ARHGAP24: variants seen among roughly 807,000 people sequenced by gnomAD.
ARHGAP24 encodes rho GTPase-activating protein 24.
Under a neutral mutation model 76.4 loss-of-function variants are expected in ARHGAP24, and 50 were observed. The observed-to-expected ratio is 0.65, with a 90% confidence interval of 0.52 to 0.83. The LOEUF is 0.83. Ranked by LOEUF, ARHGAP24 falls within the 40% of genes least tolerant of loss-of-function variation. The pLI is 0.00. For synonymous variants in ARHGAP24, 345 were observed against 323.3 expected, an observed-to-expected ratio of 1.07 and a Z score of -0.72; for missense variants, 930 against 914.2, an observed-to-expected ratio of 1.02 and a Z score of -0.22.
intron 3 of ARHGAP24, among the ~76,000 whole-genome samples, chr4:85,822,502 A>T (rs570320576): frequency 6.6e-6 from 1 of 152,304 alleles, no homozygotes; most frequent in East Asian, 1.9e-4. Flanking sequence ...ACAAAAATAC[A>T]AAATAAGACA....
intron 3 of ARHGAP24, among the ~76,000 whole-genome samples, chr4:85,796,094 A>G (rs1226823712): frequency 6.6e-6 from 1 of 152,082 alleles, no homozygotes; most frequent in Non-Finnish European, 1.5e-5. Flanking sequence ...AAGTTATCAC[A>G]GTTTTTGCCA....
intron 1 of ARHGAP24, among the ~76,000 whole-genome samples, chr4:85,567,993 G>A (rs113439273): frequency 2.0e-5 from 3 of 152,066 alleles, no homozygotes; most frequent in Non-Finnish European, 4.4e-5. Context: ...TAAAAATATA[G>A]GCATTATAGT....
intron 2 of ARHGAP24, among the ~76,000 whole-genome samples, chr4:85,649,622 T>A (rs1721859697): frequency 6.6e-6 from 1 of 152,198 alleles, no homozygotes; most frequent in Admixed American, 6.6e-5. Flanking sequence ...GTATGCCCGA[T>A]CCATAGAGTT....
At chr4:85,924,684 G>A (rs1735919949) in intron 4 of ARHGAP24, 2 of 151,052 alleles carry the variant, frequency 1.3e-5, no homozygotes, top group Non-Finnish European at 2.9e-5. Flanking sequence ...ACACTTCTTA[G>A]GCTGACTGAC....
chr4:85,614,887 G>A (rs1368601254), intron 2 of ARHGAP24, among the ~76,000 whole-genome samples: 3 of 152,020 alleles, frequency 2.0e-5, no homozygotes, highest in African/African-American at 4.8e-5. Context: ...AGAGTCACAC[G>A]AATATTTATT....
chr4:85,830,159 T>C (rs1578270308), intron 3 of ARHGAP24, among the ~76,000 whole-genome samples: 1 of 152,270 alleles, frequency 6.6e-6, no homozygotes, highest in South Asian at 2.1e-4. Flanking sequence ...CTTTCAGCTT[T>C]ACACTTTTCT....
At chr4:85,665,415 C>T (rs1041864454) in intron 2 of ARHGAP24, among the ~76,000 whole-genome samples, 9 of 152,118 alleles carry the variant, frequency 5.9e-5, no homozygotes, top group Non-Finnish European at 1.2e-4. Flanking sequence ...TGTCTCTGCA[C>T]GTGAGATGGG....
intron 1 of ARHGAP24, among the ~76,000 whole-genome samples, chr4:85,492,527 C>T (rs1209924720): frequency 1.3e-5 from 2 of 152,132 alleles, no homozygotes; most frequent in African/African-American, 2.4e-5. Flanking sequence ...TCTGCTCTAA[C>T]ATTCACTAAC....
intron 3 of ARHGAP24, among the ~76,000 whole-genome samples, chr4:85,923,018 C>G (rs1483334177): frequency 1.3e-5 from 2 of 152,112 alleles, no homozygotes; most frequent in Non-Finnish European, 2.9e-5. Context: ...GGGTGTTGAT[C>G]TGGCCTTCGT....
At chr4:85,985,706 G>A (rs1360734312) in intron 8 of ARHGAP24, among the ~76,000 whole-genome samples, 1 of 152,226 alleles carries the variant, frequency 6.6e-6, no homozygotes, top group Non-Finnish European at 1.5e-5. Context: ...TCAGACTGCA[G>A]ACAGGCATTA....
In ARHGAP24 at chr4:85,982,660, T is replaced by C. The variant is rs148124541; in HGVS notation, c.928+4969T>C. Among the ~76,000 whole-genome samples the C allele has an allele frequency of 2.3e-4, 35 of 152,310 alleles. No individual in the cohort carries two copies. The East Asian group carries it at 6.8e-3, about 29-fold the overall frequency. On this transcript the variant is annotated intron_variant, in intron 8 of 9. Coordinates refer to ENST00000395184, the MANE Select transcript of ARHGAP24 (RefSeq NM_001025616.3). ...AAAGTGTTCTTGCATCCAAAAATAA[T>C]TAGAAACAAGTTAGATGTTTATTGT...
chr4:85,952,696 T>C (rs1372148965), intron 5 of ARHGAP24, among the ~76,000 whole-genome samples: 1 of 152,222 alleles, frequency 6.6e-6, no homozygotes, highest in African/African-American at 2.4e-5. Flanking sequence ...TATATAGGCA[T>C]GACTCATTGT....
At chr4:85,705,024 C>A (rs1157473474) in intron 2 of ARHGAP24, among the ~76,000 whole-genome samples, 1 of 151,918 alleles carries the variant, frequency 6.6e-6, no homozygotes, top group East Asian at 1.9e-4. Flanking sequence ...GATTGATATA[C>A]CTATTCTTCA....
At chr4:85,529,850 A>T (rs12506039) in intron 1 of ARHGAP24, among the ~76,000 whole-genome samples, 1 of 151,728 alleles carries the variant, frequency 6.6e-6, no homozygotes, top group Non-Finnish European at 1.5e-5. Context: ...CTGGTTGACT[A>T]TGAGGGTTAT....
At chr4:85,567,789 T>G (rs1726906061) in intron 1 of ARHGAP24, among the ~76,000 whole-genome samples, 1 of 152,224 alleles carries the variant, frequency 6.6e-6, no homozygotes, top group Non-Finnish European at 1.5e-5. Flanking sequence ...ATCATTTTAT[T>G]TCTCCAGAAA....
intron 2 of ARHGAP24, among the ~76,000 whole-genome samples, chr4:85,607,754 TCAAAAATACTTCCTCA>T (rs536830768): frequency 0.25 from 36,102 of 141,854 alleles, 4,454 homozygotes; most frequent in East Asian, 0.71. Context: ...TGAGGAAGTA[TCAAAAATACTTCCTCA>T]TTTAGCCCAG....
chr4:85,659,043 C>G (rs1465281703), intron 2 of ARHGAP24, among the ~76,000 whole-genome samples: 1 of 152,140 alleles, frequency 6.6e-6, no homozygotes, highest in African/African-American at 2.4e-5. Flanking sequence ...ATTTTTCTCT[C>G]CCAGGAATAT....
intron 3 of ARHGAP24, among the ~76,000 whole-genome samples, chr4:85,763,680 C>T (rs1726821741): frequency 6.6e-6 from 1 of 151,820 alleles, no homozygotes; most frequent in African/African-American, 2.4e-5. Flanking sequence ...AATACTTCTC[C>T]CAAAATATTA....
chr4:85,576,310 G>GTACC (rs1280076088), intron 2 of ARHGAP24, among the ~76,000 whole-genome samples: 18 of 152,128 alleles, frequency 1.2e-4, no homozygotes, highest in African/African-American at 4.3e-4. Flanking sequence ...GGCGCCTGTA[G>GTACC]TACCACCTAC....
Sources: allele counts gnomAD v4.1 joint callset (sites outside exome capture counted in the v4.1 genomes callset), GRCh38; gene constraint gnomAD v4.1.1; transcripts MANE v1.5; gene names NCBI Gene and HGNC (gene_info 2026-07-23, HGNC 2026-07-21).